The following RIMKLB variants were observed in gnomAD, a reference collection of about 807,000 sequenced individuals.
RIMKLB encodes ribosomal modification protein rimK like family member B.
RIMKLB carries 7 observed loss-of-function variants against 32.0 expected under a neutral mutation model. That is an observed-to-expected ratio of 0.22 (90% CI 0.12 to 0.41). The LOEUF (loss-of-function observed/expected upper bound fraction) is 0.41, where lower values mean the gene tolerates loss of function less well. RIMKLB is among the 10% of genes least tolerant of loss of function. The pLI is 1.00. For synonymous variants in RIMKLB, 172 were observed against 185.1 expected (o/e 0.93, Z 0.57); for missense variants, 289 against 498.7 (o/e 0.58, Z 4.00).
intron 1 of RIMKLB, among the ~76,000 whole-genome samples, chr12:8,712,631 C>G (rs767471242): frequency 5.9e-5 from 9 of 152,136 alleles, no homozygotes; most frequent in Admixed American, 4.6e-4. Flanking sequence ...GGTAGGTGGT[C>G]AAGTGTGGCA....
chr12:8,735,228 A>G (rs369022004), intron 2 of RIMKLB, among the ~76,000 whole-genome samples: 3 of 152,032 alleles, frequency 2.0e-5, no homozygotes, highest in African/African-American at 7.2e-5. Flanking sequence ...AAGCAGGCTA[A>G]AATTTTTTTT....
At chr12:8,710,968 A>T (rs1185936947) in intron 1 of RIMKLB, among the ~76,000 whole-genome samples, 2 of 147,156 alleles carry the variant, frequency 1.4e-5, no homozygotes, top group Non-Finnish European at 3.0e-5. Flanking sequence ...TCTTTACCAA[A>T]AAAAAAAAAA....
intron 5 of RIMKLB, among the ~76,000 whole-genome samples, chr12:8,755,031 A>G (rs916581889): frequency 2.0e-5 from 3 of 152,196 alleles, no homozygotes; most frequent in African/African-American, 7.2e-5. Context: ...AGCTCACTGC[A>G]ACCTCCACCT....
intron 3 of RIMKLB, among the ~76,000 whole-genome samples, chr12:8,751,044 G>T (rs1948583738): frequency 6.6e-6 from 1 of 152,184 alleles, no homozygotes. Flanking sequence ...TGTATGGCAT[G>T]TGTGGACGCA....
intron 5 of RIMKLB, among the ~76,000 whole-genome samples, chr12:8,768,020 A>G (rs1294198319): frequency 1.3e-5 from 2 of 152,068 alleles, no homozygotes; most frequent in Non-Finnish European, 2.9e-5. Flanking sequence ...GCCACTTCCA[A>G]TATGGCGGCA....
intron 1 of RIMKLB, among the ~76,000 whole-genome samples, chr12:8,682,803 TAA>T (rs34405359): frequency 7.6e-6 from 1 of 132,428 alleles, no homozygotes; most frequent in African/African-American, 2.8e-5. Context: ...ATAAATAAAT[TAA>T]AAAAAAAAAA....
Position 8,713,793 on chromosome 12 carries a change from A to T in RIMKLB, c.-56-18A>T. On this transcript the variant is annotated intron_variant, in intron 1 of 5. Transcript: ENST00000535829. ...ATTTCTTGATTTACCTTTTATGTAT[A>T]TTTTTTCTTCCATCTAGGTAGACGT... The T allele has an allele frequency of 7.0e-7, 1 of 1,435,086 alleles. No individual in the cohort carries two copies. Among genetic ancestry groups the T allele is most frequent in the South Asian group, 1.2e-5 (1 of 86,320 alleles). The allele number at this position is 1,435,086 out of a possible 1,614,324, so 88.9% of individuals were successfully genotyped here.
chr12:8,713,910 G>T lies in RIMKLB; in HGVS notation c.44G>T (p.Arg15Leu). ...GCCAAGTTGTGGTTTTTGACAGATC[G>T]TCGCATCAGGGAAGACTATCCTCAA... ...VAAKLWFLTD[R>L]RIREDYPQKE... The change falls in exon 2 of 6, where the codon CGT (arginine) becomes CTT (leucine). Residue 15 changes from arginine (R) to leucine (L), a missense_variant. Transcript: ENST00000535829. 6.2e-7 allele frequency: 1 copy of T among 1,614,096 alleles called. No homozygotes were observed. The highest frequency in any genetic ancestry group is 8.5e-7 in the Non-Finnish European group (1 of 1,180,012).
Position 8,708,906 on chromosome 12 carries a change from CA to C in RIMKLB, c.-56-4899del, listed in dbSNP as rs1565558565. 5.3e-5 allele frequency among the ~76,000 whole-genome samples: 8 copies of C among 152,004 alleles called. No individual in the cohort carries two copies. In the South Asian group the frequency reaches 1.4e-3, roughly 28 times the overall value. Reference sequence around the variant, plus strand: ...CTCTTTGTAGAATTTCTCTTTATTTCAAAAAAGGTACTTTTGTCAGTAGTAT... The same window carrying C: ...CTCTTTGTAGAATTTCTCTTTATTTCAAAAAGGTACTTTTGTCAGTAGTAT... On this transcript the variant is annotated intron_variant, in intron 1 of 5. Coordinates refer to ENST00000535829, the MANE Select transcript of RIMKLB (RefSeq NM_001297776.2).
At chr12:8,681,474 G>A (rs1162420197), upstream of RIMKLB, 2 of 152,108 alleles carry the variant, frequency 1.3e-5, no homozygotes, top group South Asian at 2.1e-4. Flanking sequence ...CTGATGTTGC[G>A]TAACCATCAG....
intron 5 of RIMKLB, among the ~76,000 whole-genome samples, chr12:8,769,830 G>C (rs1284566904): frequency 1.3e-5 from 2 of 151,962 alleles, no homozygotes; most frequent in Admixed American, 6.6e-5. Context: ...ACTTTCCCCT[G>C]GTGTTCCTTG....
upstream of RIMKLB, among the ~76,000 whole-genome samples, chr12:8,695,502 TACTC>T (rs1385504821): frequency 6.6e-6 from 1 of 152,260 alleles, no homozygotes; most frequent in South Asian, 2.1e-4. Flanking sequence ...ATTTGATCAT[TACTC>T]ACATAAACAT....
At chr12:8,754,795 G>A (rs1948884036) in intron 5 of RIMKLB, among the ~76,000 whole-genome samples, 1 of 151,998 alleles carries the variant, frequency 6.6e-6, no homozygotes, top group South Asian at 2.1e-4. Flanking sequence ...ATGTATGTAT[G>A]TATGAGTGAG....
chr12:8,718,667 ATATGTG>A (rs1249650816), intron 2 of RIMKLB, among the ~76,000 whole-genome samples: 12,383 of 132,354 alleles, frequency 0.094, 548 homozygotes, highest in Non-Finnish European at 0.12. Context: ...ATATATATAT[ATATGTG>A]TGTGTGTGTG....
chr12:8,673,228 G>GTAA, the RIMKLB span, among the ~76,000 whole-genome samples: 2 of 152,036 alleles, frequency 1.3e-5, no homozygotes, highest in East Asian at 3.8e-4. Context: ...GCCTAATACA[G>GTAA]TGACAGAGCT....
chr12:8,781,170 A>T (rs1405279539), downstream of RIMKLB, among the ~76,000 whole-genome samples: 1 of 152,152 alleles, frequency 6.6e-6, no homozygotes, highest in Non-Finnish European at 1.5e-5. Flanking sequence ...GAGAAACCCC[A>T]TCTCTACTAA....
intron 1 of RIMKLB, among the ~76,000 whole-genome samples, chr12:8,689,419 C>G (rs1041219493): frequency 6.6e-6 from 1 of 152,168 alleles, no homozygotes; most frequent in Non-Finnish European, 1.5e-5. Context: ...AAACTGCAAC[C>G]ATTACAATCT....
chr12:8,687,182 T>C (rs1467525350), intron 1 of RIMKLB, among the ~76,000 whole-genome samples: 3 of 152,174 alleles, frequency 2.0e-5, no homozygotes, highest in African/African-American at 4.8e-5. Context: ...AACAATATAA[T>C]TTTTTTAGTA....
chr12:8,745,892 A>G (rs1471616024), intron 2 of RIMKLB, among the ~76,000 whole-genome samples: 1 of 140,436 alleles, frequency 7.1e-6, no homozygotes, highest in African/African-American at 2.7e-5. Context: ...ACAGGGTTTC[A>G]CCATGTTGGC....
Sources: gnomAD v4.1 joint callset for allele counts (sites outside exome capture counted in the v4.1 genomes callset) on GRCh38, gnomAD v4.1.1 for gene constraint, MANE v1.5 for transcripts, NCBI Gene and HGNC (gene_info 2026-07-23, HGNC 2026-07-21) for gene names.